Variants in AKAP19 observed in about 807,000 individuals in gnomAD.
The protein encoded by AKAP19 is A-kinase anchoring protein 19.
the AKAP19 span, among the ~76,000 whole-genome samples, chr2:190,064,288 A>T: frequency 6.6e-6 from 1 of 152,182 alleles, no homozygotes; most frequent in Non-Finnish European, 1.5e-5. Flanking sequence ...TTGTTATGGG[A>T]CAATATTAGA....
the AKAP19 span, among the ~76,000 whole-genome samples, chr2:190,198,969 G>A: frequency 6.6e-6 from 1 of 152,148 alleles, no homozygotes; most frequent in Admixed American, 6.6e-5. Flanking sequence ...CTTAATCTGA[G>A]CTTCTGTACA....
chr2:190,058,799 G>A, the AKAP19 span, among the ~76,000 whole-genome samples: 6 of 151,860 alleles, frequency 4.0e-5, no homozygotes, highest in East Asian at 1.9e-4. Context: ...CTATGCGTAC[G>A]CAAAGACATA....
chr2:190,038,929 T>TTCTTCTTCC, the AKAP19 span, among the ~76,000 whole-genome samples: 2 of 143,532 alleles, frequency 1.4e-5, no homozygotes, highest in Non-Finnish European at 3.0e-5. Flanking sequence ...CTTCTTCTTC[T>TTCTTCTTCC]TCTTCTTCTT....
chr2:189,890,146 G>T, the AKAP19 span, among the ~76,000 whole-genome samples: 1 of 152,134 alleles, frequency 6.6e-6, no homozygotes, highest in African/African-American at 2.4e-5. Flanking sequence ...ATTGTTCAAA[G>T]AACTTATTTA....
chr2:190,047,249 A>ATG, the AKAP19 span, among the ~76,000 whole-genome samples: 2 of 151,896 alleles, frequency 1.3e-5, no homozygotes, highest in African/African-American at 2.4e-5. Context: ...GCCTGCATTC[A>ATG]TGTGTGTGTG....
the AKAP19 span, among the ~76,000 whole-genome samples, chr2:189,890,217 A>G: frequency 1.3e-5 from 2 of 152,138 alleles, no homozygotes; most frequent in African/African-American, 2.4e-5. Flanking sequence ...TTCAGCTTCC[A>G]TGTAGTTGTG....
chr2:189,963,628 G>T, the AKAP19 span, among the ~76,000 whole-genome samples: 1 of 152,170 alleles, frequency 6.6e-6, no homozygotes, highest in African/African-American at 2.4e-5. Context: ...AAACTCCTGT[G>T]AATGTTGAGA....
the AKAP19 span, among the ~76,000 whole-genome samples, chr2:190,131,983 A>G: frequency 6.6e-6 from 1 of 152,230 alleles, no homozygotes; most frequent in Non-Finnish European, 1.5e-5. Flanking sequence ...TTTGCAGGAT[A>G]CAGAATCAAC....
At chr2:189,909,565 G>A in the AKAP19 span, among the ~76,000 whole-genome samples, 8 of 152,006 alleles carry the variant, frequency 5.3e-5, no homozygotes, top group Admixed American at 2.6e-4. Context: ...TACATGAAAC[G>A]TGTTATATTT....
At chr2:190,058,924 C>A in the AKAP19 span, among the ~76,000 whole-genome samples, 3 of 151,792 alleles carry the variant, frequency 2.0e-5, no homozygotes, top group Admixed American at 2.0e-4. Context: ...TCAGACTTCA[C>A]CACTGTACAA....
At chr2:190,097,621 A>T in the AKAP19 span, among the ~76,000 whole-genome samples, 1 of 152,166 alleles carries the variant, frequency 6.6e-6, no homozygotes, top group African/African-American at 2.4e-5. Context: ...TTTGTCAATT[A>T]AGTTTACGGA....
chr2:190,029,207 C>T, the AKAP19 span, among the ~76,000 whole-genome samples: 1 of 152,016 alleles, frequency 6.6e-6, no homozygotes, highest in Non-Finnish European at 1.5e-5. Context: ...CATGCACCAC[C>T]TTGCCTGGCT....
the AKAP19 span, among the ~76,000 whole-genome samples, chr2:189,898,654 C>A: frequency 6.6e-6 from 1 of 152,156 alleles, no homozygotes; most frequent in East Asian, 1.9e-4. Flanking sequence ...ACCATTTTAA[C>A]ATCTCCCTGA....
At chr2:190,174,247 A>G in the AKAP19 span, among the ~76,000 whole-genome samples, 10 of 152,164 alleles carry the variant, frequency 6.6e-5, no homozygotes, top group Admixed American at 1.3e-4. Context: ...ATAGAAGTAA[A>G]TTGCCTTGCT....
At chr2:190,178,779 A>G in the AKAP19 span, among the ~76,000 whole-genome samples, 1 of 152,238 alleles carries the variant, frequency 6.6e-6, no homozygotes, top group East Asian at 1.9e-4. The surrounding 1 kb of genome is among the most constrained non-coding windows in gnomAD (Gnocchi z 6.3). Context: ...GATGGAGGCC[A>G]GAGACTCTCA....
the AKAP19 span, among the ~76,000 whole-genome samples, chr2:190,157,261 G>A: frequency 6.6e-6 from 1 of 151,712 alleles, no homozygotes; most frequent in Non-Finnish European, 1.5e-5. Context: ...CAGTAGATTT[G>A]GAGACATTTT....
the AKAP19 span, among the ~76,000 whole-genome samples, chr2:190,098,722 T>C: frequency 1.6e-3 from 246 of 152,334 alleles, 2 homozygotes; most frequent in African/African-American, 5.7e-3. Context: ...AAGTCCTAGA[T>C]GTTATCTTCC....
the AKAP19 span, among the ~76,000 whole-genome samples, chr2:189,947,120 C>T: frequency 6.6e-6 from 1 of 152,316 alleles, no homozygotes; most frequent in African/African-American, 2.4e-5. Context: ...AAGTGCCTAG[C>T]ACTGATAAAT....
chr2:189,912,539 C>G, the AKAP19 span, among the ~76,000 whole-genome samples: 1 of 152,060 alleles, frequency 6.6e-6, no homozygotes, highest in African/African-American at 2.4e-5. Flanking sequence ...AAACTCTTGT[C>G]TCAACAACAA....
Sources: allele counts gnomAD v4.1 joint callset (sites outside exome capture counted in the v4.1 genomes callset), GRCh38; gene constraint gnomAD v4.1.1; non-coding constraint Gnocchi (gnomAD v3.1); transcripts MANE v1.5; gene names NCBI Gene and HGNC (gene_info 2026-07-23, HGNC 2026-07-21).